NRIP1: variants seen among roughly 807,000 people sequenced by gnomAD.
NRIP1 encodes nuclear receptor-interacting protein 1.
Under a neutral mutation model 75.0 loss-of-function variants are expected in NRIP1, and 28 were observed. The observed-to-expected ratio is 0.37, with a 90% CI of 0.28 to 0.51. The LOEUF (loss-of-function observed/expected upper bound fraction) is 0.51. NRIP1 is among the 20% of genes least tolerant of loss of function. The probability of loss-of-function intolerance (pLI) is 0.92; values close to 1 mark genes in which losing one functional copy is unlikely to be tolerated. For synonymous variants in NRIP1, 526 were observed against 487.6 expected (o/e 1.08, Z -1.04); for missense variants, 1,435 against 1,343.7 (o/e 1.07, Z -1.06).
At chr21:15,049,807 T>C (rs1013620038) in intron 1 of NRIP1, among the ~76,000 whole-genome samples, 76 of 152,232 alleles carry the variant, frequency 5.0e-4, no homozygotes, top group African/African-American at 1.8e-3. Context: ...TTCTTCATTT[T>C]CTCTCCCTAT....
intron 3 of NRIP1, among the ~76,000 whole-genome samples, chr21:14,974,675 C>CA (rs934262340): frequency 2.6e-5 from 4 of 152,292 alleles, no homozygotes; most frequent in African/African-American, 9.6e-5. Context: ...GTTTTTGCCA[C>CA]AAAACACTTG....
intron 3 of NRIP1, among the ~76,000 whole-genome samples, chr21:14,975,481 C>T (rs536590330): frequency 6.6e-5 from 10 of 150,848 alleles, no homozygotes; most frequent in East Asian, 2.0e-4. Context: ...GGGCTGGGTA[C>T]GGTGGCTAGC....
In NRIP1 at chr21:14,965,321, C is replaced by A; in HGVS notation, c.2872G>T (p.Ala958Ser). The change falls in exon 4 of 4, where the codon GCT becomes TCT. Residue 958 changes from alanine to serine, a missense_variant. By Grantham distance (99) the Ala-to-Ser change is moderately conservative. Transcript: ENST00000318948. ...DLSPHRSNSV[A>S]DSKKKGHKNN... ...TTGTGTCCTTTCTTTTTACTGTCAG[C>A]CACAGAGTTACTTCTGTGCGGGGAC... 6.2e-7 allele frequency: 1 copy of A among 1,613,968 alleles called. No homozygotes were observed. Among genetic ancestry groups the A allele is most frequent in the Non-Finnish European group, 8.5e-7 (1 of 1,179,914 alleles).
intron 2 of NRIP1, among the ~76,000 whole-genome samples, chr21:15,038,404 C>A (rs1031056902): frequency 6.6e-6 from 1 of 151,986 alleles, no homozygotes; most frequent in Admixed American, 6.6e-5. Flanking sequence ...TTTCCAAAAC[C>A]TTTTGAGCTC....
chr21:15,054,650 A>C (rs898297165), intron 1 of NRIP1, among the ~76,000 whole-genome samples: 1 of 152,212 alleles, frequency 6.6e-6, no homozygotes, highest in African/African-American at 2.4e-5. Context: ...AGTTACACAT[A>C]ATAATTAACA....
chr21:15,065,353 A>C (rs2147458966), upstream of NRIP1, among the ~76,000 whole-genome samples: 1 of 150,992 alleles, frequency 6.6e-6, no homozygotes, highest in Non-Finnish European at 1.5e-5. Context: ...CCGGGCTCCC[A>C]GCTCTGTCCA....
chr21:15,033,657 T>C (rs1049909836), intron 2 of NRIP1, among the ~76,000 whole-genome samples: 2 of 152,238 alleles, frequency 1.3e-5, no homozygotes, highest in Non-Finnish European at 2.9e-5. Context: ...AATTAGACAC[T>C]AGTAAATACC....
intron 3 of NRIP1, among the ~76,000 whole-genome samples, chr21:14,984,799 C>T (rs954429526): frequency 2.6e-5 from 4 of 152,280 alleles, no homozygotes; most frequent in African/African-American, 7.2e-5. Flanking sequence ...CCTGATTCTT[C>T]GGCAGCCATC....
intron 3 of NRIP1, among the ~76,000 whole-genome samples, chr21:14,987,165 C>G (rs1294436048): frequency 6.6e-6 from 1 of 152,184 alleles, no homozygotes; most frequent in Non-Finnish European, 1.5e-5. Context: ...CATTTACCAA[C>G]TCTTTGATCA....
At chr21:15,031,476 C>T (rs2088689406) in intron 2 of NRIP1, among the ~76,000 whole-genome samples, 1 of 141,460 alleles carries the variant, frequency 7.1e-6, no homozygotes, top group Admixed American at 7.0e-5. Context: ...TATGTGTGTA[C>T]ACTCTGGAAG....
chr21:15,023,926 C>T (rs879447463), intron 2 of NRIP1, among the ~76,000 whole-genome samples: 34 of 152,266 alleles, frequency 2.2e-4, no homozygotes, highest in East Asian at 1.9e-4. Context: ...CTCCAGAGAA[C>T]GGAGACATCA....
chr21:14,982,074 T>C (rs781380478), intron 3 of NRIP1, among the ~76,000 whole-genome samples: 21 of 152,136 alleles, frequency 1.4e-4, no homozygotes, highest in Non-Finnish European at 1.0e-4. Flanking sequence ...GGTCTCAAGC[T>C]CCTGGGCTCA....
intron 2 of NRIP1, among the ~76,000 whole-genome samples, chr21:15,017,690 G>C (rs1010766355): frequency 1.3e-5 from 2 of 152,108 alleles, no homozygotes; most frequent in African/African-American, 4.8e-5. Context: ...CAGTTCTCTG[G>C]AAAATAAATT....
intron 1 of NRIP1, among the ~76,000 whole-genome samples, chr21:15,059,201 G>A (rs1328218354): frequency 1.3e-5 from 2 of 152,128 alleles, no homozygotes; most frequent in African/African-American, 4.8e-5. Flanking sequence ...CAGAATTCTA[G>A]TTTAATATTT....
chr21:15,005,769 T>C (rs1055630873), intron 3 of NRIP1, among the ~76,000 whole-genome samples: 4 of 152,028 alleles, frequency 2.6e-5, no homozygotes, highest in Non-Finnish European at 5.9e-5. Context: ...GGAGAGAGGG[T>C]TTACCTAGAA....
intron 3 of NRIP1, among the ~76,000 whole-genome samples, chr21:15,003,448 T>C (rs2087894677): frequency 6.6e-6 from 1 of 152,212 alleles, no homozygotes; most frequent in Non-Finnish European, 1.5e-5. Context: ...ATTGCAATAA[T>C]GTTTAATCGA....
At chr21:15,029,174 T>G (rs2088587519) in intron 2 of NRIP1, among the ~76,000 whole-genome samples, 1 of 152,170 alleles carries the variant, frequency 6.6e-6, no homozygotes. Flanking sequence ...TGACACCTCT[T>G]TGGTCTACTT....
At chr21:15,024,567 AGTGTGTGTGTGTGT>A (rs60376904) in intron 2 of NRIP1, among the ~76,000 whole-genome samples, 3 of 145,562 alleles carry the variant, frequency 2.1e-5, no homozygotes, top group Non-Finnish European at 3.0e-5. Context: ...TGGTATCCAG[AGTGTGTGTGTGTGT>A]GTGTGTGTGT....
intron 3 of NRIP1, among the ~76,000 whole-genome samples, chr21:14,986,047 T>G (rs911695887): frequency 6.6e-6 from 1 of 152,182 alleles, no homozygotes; most frequent in Non-Finnish European, 1.5e-5. Flanking sequence ...AAACTATTTC[T>G]CTGTGCCCAT....
Sources: allele counts gnomAD v4.1 joint callset (sites outside exome capture counted in the v4.1 genomes callset), GRCh38; gene constraint gnomAD v4.1.1; transcripts MANE v1.5; gene names NCBI Gene and HGNC (gene_info 2026-07-23, HGNC 2026-07-21).